Variants in GYPE observed in about 807,000 individuals in gnomAD.
GYPE encodes the protein glycophorin E (MNS blood group), also known as glycophorin-E.
In GYPE, 8 loss-of-function variants were observed where a neutral mutation model predicts 11.6. The ratio of observed to expected loss-of-function variants is 0.69; its 90% CI spans 0.41 to 1.25. The LOEUF is 1.25. Among genes scored for constraint, GYPE ranks in the 50% most tolerant of loss-of-function variants. The pLI is 0.01. For synonymous variants in GYPE, 28 were observed against 29.6 expected (o/e 0.94, Z 0.18); for missense variants, 90 against 92.8 (o/e 0.97, Z 0.12).
At chr4:143,896,138 G>T (rs888017829) in intron 1 of GYPE, among the ~76,000 whole-genome samples, 2 of 152,016 alleles carry the variant, frequency 1.3e-5, no homozygotes, top group African/African-American at 4.8e-5. Flanking sequence ...AATGGCAACA[G>T]AAGCCAAAAT....
chr4:143,878,667 T>C, intron 2 of GYPE: 1 of 490,444 alleles, frequency 2.0e-6, no homozygotes. Flanking sequence ...GGACAAGTTG[T>C]CCCCTTTCTC....
chr4:143,880,504 C>G lies in GYPE; in HGVS notation c.43G>C (p.Val15Leu). The G allele has an allele frequency of 6.2e-7, 1 of 1,613,952 alleles. No homozygotes were observed. Among genetic ancestry groups the G allele is most frequent in the Middle Eastern group, 1.7e-4 (1 of 6,056 alleles). Residue 15 changes from valine to leucine, a missense_variant, in exon 2 of 4, where the codon GTG (valine) becomes CTG (leucine). By Grantham distance (32) the Val-to-Leu change is conservative (BLOSUM62 1). Transcript: ENST00000358615. ...GTGGTACTTGATGCTGATATGCTCA[C>G]AATTCCTGTATAAAATAGAAGTTGA... Reference protein sequence around the residue: ...IIFVLLLSGIVSISASSTTGV... With the variant: ...IIFVLLLSGILSISASSTTGV...
intron 1 of GYPE, among the ~76,000 whole-genome samples, chr4:143,904,575 G>C (rs1372623740): frequency 6.6e-6 from 1 of 152,028 alleles, no homozygotes; most frequent in Non-Finnish European, 1.5e-5. Context: ...TCTCTTCCCT[G>C]TATGCTACAG....
intron 2 of GYPE, among the ~76,000 whole-genome samples, chr4:143,880,206 T>C (rs1453322867): frequency 1.3e-5 from 2 of 152,224 alleles, no homozygotes. Flanking sequence ...TTAATTTCTT[T>C]AACTCACAGT....
chr4:143,879,763 G>A (rs1159167277), intron 2 of GYPE, among the ~76,000 whole-genome samples: 4 of 152,134 alleles, frequency 2.6e-5, no homozygotes, highest in Non-Finnish European at 4.4e-5. Flanking sequence ...GACATAAAGT[G>A]TATCATGAAA....
Position 143,888,317 on chromosome 4 carries a change from T to G in GYPE, c.38-7808A>C, listed in dbSNP as rs1470135239. On this transcript the variant is annotated intron_variant, in intron 1 of 3. Transcript: ENST00000358615. ...ATGCCAAAACTTCCAGTGGCTGAGCTCTTGTCAAGATGTGATAAAGTCAGC... is the reference window on the plus strand; with the variant it reads ...ATGCCAAAACTTCCAGTGGCTGAGCGCTTGTCAAGATGTGATAAAGTCAGC... Among the ~76,000 whole-genome samples the G allele has an allele frequency of 1.1e-4, 2 of 17,958 alleles. 1 individual carries two copies. Among genetic ancestry groups the G allele is most frequent in the African/African-American group, 1.2e-4 (2 of 16,598 alleles). The allele number at this position is 17,958 out of a possible 152,430, so 11.8% of individuals were successfully genotyped here. A position where few individuals can be genotyped will look rare whatever the true frequency, so the allele number is the denominator to read the frequency against.
intron 1 of GYPE, among the ~76,000 whole-genome samples, chr4:143,884,119 C>G (rs1744160295): frequency 6.6e-6 from 1 of 150,738 alleles, no homozygotes; most frequent in African/African-American, 2.4e-5. Flanking sequence ...GGGGCTCCAG[C>G]CATTCTGCAC....
intron 1 of GYPE, among the ~76,000 whole-genome samples, chr4:143,898,534 C>G (rs1038790869): frequency 1.3e-5 from 2 of 151,964 alleles, no homozygotes; most frequent in Non-Finnish European, 2.9e-5. Flanking sequence ...AATTATGGAC[C>G]ATTTTAGCCC....
intron 1 of GYPE, among the ~76,000 whole-genome samples, chr4:143,888,253 A>G (rs1744280835): frequency 5.1e-5 from 1 of 19,452 alleles, no homozygotes; most frequent in African/African-American, 5.8e-5. Context: ...CAATAAAAAT[A>G]AAGTGTGATA....
rs1560933742 is a variant in GYPE at position 143,871,518 on chromosome 4, G to T, written c.*744C>A. The T allele has an allele frequency of 6.6e-6, 1 of 152,132 alleles. No individual in the cohort carries two copies. Among genetic ancestry groups the T allele is most frequent in the Non-Finnish European group, 1.5e-5 (1 of 68,106 alleles). 9.4% of individuals were successfully genotyped at this position (152,132 alleles called of 1,614,324 possible). A position where few individuals can be genotyped will look rare whatever the true frequency, so the allele number is the denominator to read the frequency against. ...TTTACACAATGTGACCCTCTAGTCT[G>T]TACAAGGAGAGGAATGCAGAGGGAA... On this transcript the variant is annotated 3_prime_UTR_variant, in exon 4 of 4. Transcript: ENST00000358615.
intron 1 of GYPE, among the ~76,000 whole-genome samples, chr4:143,885,466 A>C (rs985956271): frequency 6.6e-6 from 1 of 152,092 alleles, no homozygotes; most frequent in Non-Finnish European, 1.5e-5. Context: ...GCTCACAGTA[A>C]AAGAGCACTT....
At chr4:143,902,473 T>C (rs900931908) in intron 1 of GYPE, among the ~76,000 whole-genome samples, 1 of 152,082 alleles carries the variant, frequency 6.6e-6, no homozygotes. Flanking sequence ...TCACTGTGTC[T>C]AACCAGATGA....
Position 143,894,556 on chromosome 4 carries a change from G to A in GYPE, c.37+10915C>T, listed in dbSNP as rs545637661. ...TAGGACCCTCAGCTGCAGGTCTGTC[G>A]GAGTTTGCTAGAGGTCCACTCCAGA... On this transcript the variant is annotated intron_variant, in intron 1 of 3. Transcript: ENST00000358615. Among the ~76,000 whole-genome samples the A allele has an allele frequency of 4.9e-4, 75 of 152,128 alleles. 1 individual carries two copies. The Middle Eastern group carries it at 0.01, about 21-fold the overall frequency.
At chr4:143,880,597 A>T in intron 1 of GYPE, 88 bp from the exon 2 acceptor site, 1 of 1,599,460 alleles carries the variant, frequency 6.3e-7, no homozygotes, top group Non-Finnish European at 8.6e-7. Context: ...ATTCCCTCAC[A>T]TCCCTCCAGT....
At chr4:143,882,535 A>G (rs1342184651) in intron 1 of GYPE, among the ~76,000 whole-genome samples, 1 of 152,222 alleles carries the variant, frequency 6.6e-6, no homozygotes, top group Non-Finnish European at 1.5e-5. Context: ...AAAATAGCTA[A>G]TAAAATAACA....
chr4:143,898,194 C>G (rs935054424), intron 1 of GYPE, among the ~76,000 whole-genome samples: 1 of 152,080 alleles, frequency 6.6e-6, no homozygotes, highest in Non-Finnish European at 1.5e-5. Context: ...CTGGGCAACA[C>G]TGTGAAACCC....
At chr4:143,878,417 T>G (rs1743891442) in intron 2 of GYPE, among the ~76,000 whole-genome samples, 1 of 152,242 alleles carries the variant, frequency 6.6e-6, no homozygotes, top group African/African-American at 2.4e-5. Context: ...ATTATAGGCA[T>G]GAGCCACTGC....
intron 1 of GYPE, among the ~76,000 whole-genome samples, chr4:143,880,799 A>G (rs1231074326): frequency 1.3e-5 from 2 of 152,202 alleles, no homozygotes; most frequent in African/African-American, 4.8e-5. Flanking sequence ...TTGCCTCAAA[A>G]TGTCATTGTG....
At chr4:143,889,958 C>T (rs1232810899) in intron 1 of GYPE, among the ~76,000 whole-genome samples, 1 of 152,184 alleles carries the variant, frequency 6.6e-6, no homozygotes, top group Non-Finnish European at 1.5e-5. Flanking sequence ...AACTGTCTGC[C>T]AAGGTCTACT....
Sources: gnomAD v4.1 joint callset for allele counts (sites outside exome capture counted in the v4.1 genomes callset) on GRCh38, gnomAD v4.1.1 for gene constraint, MANE v1.5 for transcripts, NCBI Gene and HGNC (gene_info 2026-07-23, HGNC 2026-07-21) for gene names.